MTBP: variants seen among roughly 807,000 people sequenced by gnomAD.
The protein encoded by MTBP is mdm2-binding protein.
Under a neutral mutation model 117.0 loss-of-function variants are expected in MTBP, and 101 were observed. That is an observed-to-expected ratio of 0.86 (90% CI 0.73 to 1.02). The LOEUF (loss-of-function observed/expected upper bound fraction) is 1.02, where lower values mean the gene tolerates loss of function less well. Ranked by LOEUF, MTBP falls within the 50% of genes least tolerant of loss-of-function variation. The pLI is 0.00. For synonymous variants in MTBP, 350 were observed against 351.5 expected (o/e 1.00, Z 0.05); for missense variants, 970 against 1,030.9 (o/e 0.94, Z 0.81).
chr8:120,497,172 T>C (rs1384376292), intron 13 of MTBP, among the ~76,000 whole-genome samples: 2 of 152,238 alleles, frequency 1.3e-5, no homozygotes, highest in African/African-American at 4.8e-5. Context: ...TATCAACTTA[T>C]AGTATCAATG....
At chr8:120,497,585 C>CTTT (rs35918868) in intron 14 of MTBP, 31 bp downstream of exon 14, 891,308 of 1,324,458 alleles carry the variant, frequency 0.67, 302,900 homozygotes, top group Non-Finnish European at 0.69. Flanking sequence ...AATTTTAGTT[C>CTTT]GTGTGTGTGT....
intron 17 of MTBP, among the ~76,000 whole-genome samples, chr8:120,513,913 T>A (rs556504276): frequency 2.1e-4 from 32 of 151,980 alleles, no homozygotes; most frequent in African/African-American, 7.5e-4. Flanking sequence ...AGAAAGAATA[T>A]TAGCTAGAGA....
chr8:120,481,149 A>C (rs1342787569), intron 11 of MTBP, among the ~76,000 whole-genome samples: 2 of 152,194 alleles, frequency 1.3e-5, no homozygotes, highest in African/African-American at 4.8e-5. Context: ...CAACACACTC[A>C]CTAGAATGGC....
chr8:120,509,966 G>T lies in MTBP; in HGVS notation c.1916G>T (p.Ser639Ile), dbSNP rs1360104154. 3 of 1,612,076 alleles carry T rather than the reference G, an allele frequency of 1.9e-6. No individual in the cohort carries two copies. In the South Asian group the frequency reaches 3.3e-5, roughly 18 times the overall value. The change falls in exon 17 of 22, where the codon AGT becomes ATT. Residue 639 changes from serine (S) to isoleucine (I), a missense_variant. Transcript: ENST00000305949. ...EKTFVLTPEL[S>I]PGKLQVLPFE... The stretch of plus-strand genomic sequence containing the variant: ...ACTTTTGTTTTGACACCAGAACTTA[G>T]TCCTGGGAAACTTCAGGTCTTACCT...
intron 14 of MTBP, among the ~76,000 whole-genome samples, chr8:120,501,346 C>T (rs891222385): frequency 1.1e-4 from 16 of 147,440 alleles, no homozygotes; most frequent in Admixed American, 3.4e-4. Flanking sequence ...TGGGCGACAG[C>T]GAGACTCCGT....
chr8:120,486,266 C>T (rs1258644147), intron 11 of MTBP, among the ~76,000 whole-genome samples: 5 of 152,172 alleles, frequency 3.3e-5, no homozygotes, highest in Non-Finnish European at 7.4e-5. Context: ...TAGGCTCCAA[C>T]TTACCCGCAA....
intron 11 of MTBP, among the ~76,000 whole-genome samples, chr8:120,482,008 A>G (rs1814094658): frequency 2.0e-5 from 3 of 152,134 alleles, no homozygotes; most frequent in Non-Finnish European, 4.4e-5. Flanking sequence ...TTCTCTCTCT[A>G]GTTCAATGAT....
intron 10 of MTBP, among the ~76,000 whole-genome samples, chr8:120,470,296 T>C (rs1367070609): frequency 6.6e-6 from 1 of 152,216 alleles, no homozygotes; most frequent in African/African-American, 2.4e-5. Flanking sequence ...TAGCATATAA[T>C]TCATTGTCTT....
At chr8:120,483,747 A>G (rs1814148281) in intron 11 of MTBP, among the ~76,000 whole-genome samples, 1 of 152,170 alleles carries the variant, frequency 6.6e-6, no homozygotes, top group South Asian at 2.1e-4. Flanking sequence ...TCTGTATAGT[A>G]TATCCAAAAT....
At chr8:120,510,533 T>TA (rs1344868924) in intron 17 of MTBP, among the ~76,000 whole-genome samples, 1 of 152,190 alleles carries the variant, frequency 6.6e-6, no homozygotes, top group African/African-American at 2.4e-5. Context: ...AGCAATACTA[T>TA]TCAACTATAA....
chr8:120,461,737 T>C (rs1813586354), intron 9 of MTBP, among the ~76,000 whole-genome samples: 1 of 152,174 alleles, frequency 6.6e-6, no homozygotes, highest in Non-Finnish European at 1.5e-5. Context: ...TATTATTTTT[T>C]ATAGTTTTAA....
chr8:120,446,384 A>G (rs763666888), intron 1 of MTBP, 49 bp from the exon 2 acceptor site: 2 of 1,139,236 alleles, frequency 1.8e-6, no homozygotes, highest in Admixed American at 1.7e-5. Context: ...ACTAAGTTAG[A>G]TTATGTAAAT....
At chr8:120,491,467 G>T (rs1289192585) in intron 13 of MTBP, among the ~76,000 whole-genome samples, 1 of 151,696 alleles carries the variant, frequency 6.6e-6, no homozygotes, top group East Asian at 1.9e-4. Flanking sequence ...TTGGTGTGTT[G>T]TTTTTTTTAA....
chr8:120,465,044 A>G (rs1813659034), intron 10 of MTBP, among the ~76,000 whole-genome samples: 1 of 152,142 alleles, frequency 6.6e-6, no homozygotes, highest in Non-Finnish European at 1.5e-5. Flanking sequence ...ATAAGGCCAT[A>G]CATTTCTCCA....
intron 10 of MTBP, among the ~76,000 whole-genome samples, chr8:120,469,739 C>G (rs904478388): frequency 6.6e-6 from 1 of 152,084 alleles, no homozygotes. Flanking sequence ...AAACATAAAG[C>G]GAGAAATGCT....
chr8:120,453,225 C>T (rs79343423), intron 4 of MTBP, among the ~76,000 whole-genome samples: 2 of 152,034 alleles, frequency 1.3e-5, no homozygotes, highest in African/African-American at 4.8e-5. Flanking sequence ...CTGAGGCAGA[C>T]GGATAACCTG....
At position 120,452,310 on chromosome 8, in the gene MTBP, G is replaced by C. The variant is rs571984752; in HGVS notation, c.425+988G>C. The stretch of plus-strand genomic sequence containing the variant: ...ATTTTCCTTTTTCCAGATCATATTT[G>C]TTTGTACTGATTAATAAAAGGAGAC... On this transcript the variant is annotated intron_variant, in intron 4 of 21. Coordinates refer to ENST00000305949, the MANE Select transcript of MTBP (RefSeq NM_022045.5). 2.0e-3 allele frequency: 306 copies of C among 152,124 alleles called. 1 individual carries two copies. Among genetic ancestry groups the C allele is most frequent in the African/African-American group, 7.2e-3 (300 of 41,482 alleles). The allele number at this position is 152,124 out of a possible 1,614,324, so 9.4% of individuals were successfully genotyped here. A position where few individuals can be genotyped will look rare whatever the true frequency, so the allele number is the denominator to read the frequency against.
At position 120,459,192 on chromosome 8, in the gene MTBP, G is replaced by C. The variant is rs753933354; in HGVS notation, c.748-23G>C. On this transcript the variant is annotated intron_variant, in intron 7 of 21. Transcript: ENST00000305949. ...AGCATTATTCATGATACTTGTAACT[G>C]TGTTTTCTTGGTCTCTTTTCAGTTT... The C allele has an allele frequency of 4.4e-6, 7 of 1,592,508 alleles. No homozygotes were observed. The South Asian group carries it at 7.9e-5, about 18-fold the overall frequency.
At chr8:120,473,023 A>G (rs1813854143) in intron 11 of MTBP, 1 of 152,194 alleles carries the variant, frequency 6.6e-6, no homozygotes, top group Admixed American at 6.5e-5. Flanking sequence ...TGTGGATAAC[A>G]AAATTCCTAG....
Sources: gnomAD v4.1 joint callset for allele counts (sites outside exome capture counted in the v4.1 genomes callset) on GRCh38, gnomAD v4.1.1 for gene constraint, MANE v1.5 for transcripts, NCBI Gene and HGNC (gene_info 2026-07-23, HGNC 2026-07-21) for gene names.